FKBP9: variants seen among roughly 807,000 people sequenced by gnomAD.
FKBP9 encodes the protein peptidyl-prolyl cis-trans isomerase FKBP9.
A neutral mutation model predicts 55.6 loss-of-function variants in FKBP9; 27 were observed. The observed-to-expected ratio is 0.49, with a 90% CI of 0.36 to 0.67. The LOEUF (loss-of-function observed/expected upper bound fraction) is 0.67, where lower values mean the gene tolerates loss of function less well. Among genes scored for constraint, FKBP9 ranks in the 30% least tolerant of loss-of-function variants. FKBP9 has a pLI of 0.00. For synonymous variants in FKBP9, 267 were observed against 296.5 expected (o/e 0.90, Z 1.02); for missense variants, 539 against 742.8 (o/e 0.73, Z 3.19).
chr7:33,003,099 C>T (rs1314797834), intron 9 of FKBP9, among the ~76,000 whole-genome samples: 2 of 152,168 alleles, frequency 1.3e-5, no homozygotes, highest in Non-Finnish European at 2.9e-5. Flanking sequence ...ATTTAGTTCT[C>T]GTTACTGGGT....
chr7:32,978,994 C>T (rs71532550), intron 4 of FKBP9, among the ~76,000 whole-genome samples: 49,708 of 152,052 alleles, frequency 0.33, 10,125 homozygotes, highest in Non-Finnish European at 0.46. Context: ...CCAGGCCGGG[C>T]GCAGTGGCTG....
At chr7:32,974,304 TTTC>T (rs1018567677) in intron 1 of FKBP9, among the ~76,000 whole-genome samples, 7 of 152,300 alleles carry the variant, frequency 4.6e-5, no homozygotes, top group Admixed American at 1.3e-4. Flanking sequence ...CAGCCAACTC[TTTC>T]TTTTTTGTGT....
chr7:32,975,308 T>C lies in FKBP9; in HGVS notation c.494T>C (p.Val165Ala), dbSNP rs766676590. The change falls in exon 3 of 10, where the codon GTG (valine) becomes GCG (alanine). Residue 165 changes from valine (V) to alanine (A), a missense_variant. By Grantham distance (64) the Val-to-Ala change is moderately conservative. Coordinates refer to ENST00000242209, the MANE Select transcript of FKBP9 (RefSeq NM_007270.5). ...CCGAGTTGCCCTCGGACCATCCAGG[T>C]GTCTGATTTTGTGAGGTACCACTAC... ...KPPSCPRTIQ[V>A]SDFVRYHYNG... is the part of the protein sequence containing the mutation. The C allele has an allele frequency of 6.2e-7, 1 of 1,614,012 alleles. No individual in the cohort carries two copies. The highest frequency in any genetic ancestry group is 1.7e-5 in the Admixed American group (1 of 60,016).
At chr7:32,959,297 C>T (rs891227927) in intron 1 of FKBP9, among the ~76,000 whole-genome samples, 2 of 152,052 alleles carry the variant, frequency 1.3e-5, no homozygotes, top group African/African-American at 2.4e-5. Context: ...CCCAACTACG[C>T]GGGAGGTTGA....
chr7:32,988,286 A>G (rs1461614961), intron 5 of FKBP9, among the ~76,000 whole-genome samples: 1 of 152,222 alleles, frequency 6.6e-6, no homozygotes, highest in Non-Finnish European at 1.5e-5. Context: ...GGAGGGCCAC[A>G]TGGCGTGTCC....
At chr7:32,996,498 T>C in intron 7 of FKBP9, 149 bp downstream of exon 7, 1 of 623,862 alleles carries the variant, frequency 1.6e-6, no homozygotes, top group Non-Finnish European at 2.9e-6. Flanking sequence ...ACTGCTCAGG[T>C]GCATTGTGTT....
intron 8 of FKBP9, chr7:33,001,913 A>T (rs1422010980): frequency 2.6e-5 from 4 of 152,346 alleles, no homozygotes; most frequent in African/African-American, 9.6e-5. Flanking sequence ...TATTCCACAT[A>T]AACATACAAG....
At chr7:32,997,449 T>G (rs1028049622) in intron 7 of FKBP9, among the ~76,000 whole-genome samples, 3 of 151,966 alleles carry the variant, frequency 2.0e-5, no homozygotes, top group Non-Finnish European at 4.4e-5. Context: ...ACTCCTGACC[T>G]CAAATGATCC....
chr7:32,979,513 G>C, intron 4 of FKBP9: 1 of 1,550,520 alleles, frequency 6.4e-7, no homozygotes, highest in South Asian at 1.2e-5. Context: ...GCCAGTGGAA[G>C]GAGCTCAGGC....
At chr7:32,984,609 A>G (rs996202059) in intron 5 of FKBP9, among the ~76,000 whole-genome samples, 1 of 152,244 alleles carries the variant, frequency 6.6e-6, no homozygotes, top group African/African-American at 2.4e-5. Context: ...AATGTATAGC[A>G]GAAAATGTAA....
chr7:33,000,107 C>T lies in FKBP9; in HGVS notation c.1227-8C>T, dbSNP rs1394030392. The T allele has an allele frequency of 4.3e-6, 7 of 1,614,018 alleles. No individual in the cohort carries two copies. Among genetic ancestry groups the T allele is most frequent in the Non-Finnish European group, 5.9e-6 (7 of 1,180,026 alleles). On this transcript the variant is annotated splice_region_variant and splice_polypyrimidine_tract_variant and intron_variant, in intron 7 of 9. Transcript: ENST00000242209. ...GACCTAACATGAGGCTCTTCTGTTT[C>T]ATTTTAGGTGGAATTTAGGCAAAAC... is the stretch of plus-strand genomic sequence containing the variant.
chr7:32,979,640 T>A (rs6963277), intron 4 of FKBP9: 28,500 of 1,214,596 alleles, frequency 0.023, 1,277 homozygotes, highest in East Asian at 0.19. Flanking sequence ...ATTACTGGAT[T>A]TTGAGTTATT....
chr7:32,957,733 G>A lies in FKBP9; in HGVS notation c.160G>A (p.Gly54Ser), dbSNP rs1307612034. 2 of 1,522,158 alleles carry A rather than the reference G, an allele frequency of 1.3e-6. No individual in the cohort carries two copies. Among genetic ancestry groups the A allele is most frequent in the Non-Finnish European group, 1.8e-6 (2 of 1,138,772 alleles). 94.3% of individuals were successfully genotyped at this position (1,522,158 alleles called of 1,614,324 possible). ...PDECPRTVRS[G>S]DFVRYHYVGT... Reference sequence around the variant, plus strand: ...CGAGTGCCCGCGCACCGTGCGCAGCGGCGACTTCGTGCGCTACCACTACGT... The same window carrying A: ...CGAGTGCCCGCGCACCGTGCGCAGCAGCGACTTCGTGCGCTACCACTACGT... Residue 54 changes from glycine to serine, a missense_variant, in exon 1 of 10, where the codon GGC (glycine) becomes AGC (serine). Gly to Ser is a moderately conservative substitution (Grantham distance 56). Around this residue, in one of 4 missense-constraint regions of FKBP9, gnomAD observed 236 missense variants for 271.5 expected, o/e 0.87. Transcript: ENST00000242209.
At chr7:32,968,654 C>A (rs1486008086) in intron 1 of FKBP9, among the ~76,000 whole-genome samples, 1 of 151,664 alleles carries the variant, frequency 6.6e-6, no homozygotes, top group Non-Finnish European at 1.5e-5. Flanking sequence ...CTCACTGCAA[C>A]CTCTGCCTCC....
chr7:33,001,373 T>C (rs899415879), intron 8 of FKBP9, among the ~76,000 whole-genome samples: 1 of 152,004 alleles, frequency 6.6e-6, no homozygotes, highest in African/African-American at 2.4e-5. Context: ...TGAAACCCCG[T>C]CTCTACAAAA....
intron 1 of FKBP9, among the ~76,000 whole-genome samples, chr7:32,967,462 A>G (rs1357136604): frequency 3.3e-5 from 5 of 152,188 alleles, no homozygotes; most frequent in East Asian, 1.9e-4. Flanking sequence ...ACCTCATATA[A>G]TTCGTGGAAT....
chr7:32,961,396 C>T (rs529055813), intron 1 of FKBP9, among the ~76,000 whole-genome samples: 2 of 152,250 alleles, frequency 1.3e-5, no homozygotes, highest in South Asian at 2.1e-4. Flanking sequence ...ATACAGTTTC[C>T]GATTCAGTAG....
At chr7:32,970,142 T>A (rs1784224763) in intron 1 of FKBP9, among the ~76,000 whole-genome samples, 2 of 152,062 alleles carry the variant, frequency 1.3e-5, no homozygotes, top group African/African-American at 2.4e-5. Context: ...CCATATTAAG[T>A]CTTCCCATCC....
rs1271100933 is a variant in FKBP9 at position 32,975,268 on chromosome 7, A to G, written c.454A>G (p.Thr152Ala). 20 of 1,613,838 alleles carry G rather than the reference A, an allele frequency of 1.2e-5. No individual in the cohort carries two copies. Among genetic ancestry groups the G allele is most frequent in the Non-Finnish European group, 1.6e-5 (19 of 1,179,742 alleles). Residue 152 changes from threonine to alanine, a missense_variant, in exon 3 of 10, where the codon ACC becomes GCC. Transcript: ENST00000242209. ...WNSEDQVQIH[T>A]YFKPPSCPRT... The stretch of plus-strand genomic sequence containing the variant: ...TTCTGAAGACCAGGTTCAGATTCAC[A>G]CCTATTTCAAGCCCCCGAGTTGCCC...
Sources: allele counts gnomAD v4.1 joint callset (sites outside exome capture counted in the v4.1 genomes callset), GRCh38; gene constraint gnomAD v4.1.1; regional missense constraint gnomAD v4.1.1; transcripts MANE v1.5; gene names NCBI Gene and HGNC (gene_info 2026-07-23, HGNC 2026-07-21).